C16orf74: variants seen among roughly 807,000 people sequenced by gnomAD.
The protein encoded by C16orf74 is uncharacterized protein C16orf74.
In C16orf74, 10 loss-of-function variants were observed where a neutral mutation model predicts 6.5. The ratio of observed to expected loss-of-function variants is 1.54; its 90% CI spans 0.95 to 2.61. The LOEUF is 2.61. Among genes scored for constraint, C16orf74 ranks in the 30% most tolerant of loss-of-function variants. The probability of loss-of-function intolerance (pLI) is 0.00; values close to 1 mark genes in which losing one functional copy is unlikely to be tolerated. For synonymous variants in C16orf74, 60 were observed against 42.5 expected, an observed-to-expected ratio of 1.41 and a Z score of -1.60; for missense variants, 141 against 105.9, an observed-to-expected ratio of 1.33 and a Z score of -1.45.
chr16:85,739,988 T>C (rs1032241322), intron 1 of C16orf74, among the ~76,000 whole-genome samples: 1 of 151,142 alleles, frequency 6.6e-6, no homozygotes, highest in Admixed American at 6.6e-5. Context: ...GGCGGGTGGA[T>C]CGCCTGAGGT....
chr16:85,718,679 T>C (rs2054049204), intron 2 of C16orf74, among the ~76,000 whole-genome samples: 1 of 152,212 alleles, frequency 6.6e-6, no homozygotes, highest in South Asian at 2.1e-4. Flanking sequence ...GGTGCGATGA[T>C]TCTATATGCG....
intron 3 of C16orf74, among the ~76,000 whole-genome samples, chr16:85,709,495 G>GTTGTTATTATTATTATTATTA (rs150032889): frequency 6.8e-6 from 1 of 147,398 alleles, no homozygotes; most frequent in Non-Finnish European, 1.5e-5. Flanking sequence ...CATCCCCAAT[G>GTTGTTATTATTATTATTATTA]TTATTATTAT....
intron 2 of C16orf74, among the ~76,000 whole-genome samples, chr16:85,728,110 C>A (rs1041784597): frequency 1.3e-5 from 2 of 151,962 alleles, no homozygotes; most frequent in Non-Finnish European, 2.9e-5. Flanking sequence ...TGCACTCCAG[C>A]CTGAGCAACA....
At chr16:85,726,143 C>T (rs572153162) in intron 2 of C16orf74, among the ~76,000 whole-genome samples, 27 of 152,270 alleles carry the variant, frequency 1.8e-4, no homozygotes, top group African/African-American at 6.5e-4. Context: ...CTCATCCCCT[C>T]GACTGCACCT....
chr16:85,721,008 T>C (rs1291007284), intron 2 of C16orf74, among the ~76,000 whole-genome samples: 1 of 152,024 alleles, frequency 6.6e-6, no homozygotes, highest in Non-Finnish European at 1.5e-5. Flanking sequence ...CGAGAATCAC[T>C]TGAACCCAGG....
At chr16:85,736,557 G>C (rs1047237875) in intron 1 of C16orf74, among the ~76,000 whole-genome samples, 1 of 152,096 alleles carries the variant, frequency 6.6e-6, no homozygotes, top group Non-Finnish European at 1.5e-5. Flanking sequence ...GACATAGACC[G>C]GGGCCTTGGG....
chr16:85,740,854 A>AGACT (rs1555588267), intron 1 of C16orf74, among the ~76,000 whole-genome samples: 1 of 150,722 alleles, frequency 6.6e-6, no homozygotes, highest in Non-Finnish European at 1.5e-5. Flanking sequence ...AAAGAAAGAA[A>AGACT]ATATACACTG....
intron 2 of C16orf74, among the ~76,000 whole-genome samples, chr16:85,723,908 G>A (rs1005558587): frequency 1.3e-5 from 2 of 152,218 alleles, no homozygotes; most frequent in Non-Finnish European, 2.9e-5. Flanking sequence ...GGGCAGCCGC[G>A]ATGCCCTGGC....
At chr16:85,716,572 G>A (rs1041357119) in intron 2 of C16orf74, among the ~76,000 whole-genome samples, 5 of 146,986 alleles carry the variant, frequency 3.4e-5, no homozygotes, top group African/African-American at 1.3e-4. Context: ...GAAGGGGAGA[G>A]GGAAGGAGGG....
At chr16:85,722,617 G>A (rs1297540603) in intron 2 of C16orf74, among the ~76,000 whole-genome samples, 2 of 151,854 alleles carry the variant, frequency 1.3e-5, no homozygotes, top group Non-Finnish European at 2.9e-5. Flanking sequence ...GCCTTGCTCT[G>A]CTCGCTCCCT....
chr16:85,728,483 A>G (rs932786952), intron 2 of C16orf74, among the ~76,000 whole-genome samples: 1 of 152,106 alleles, frequency 6.6e-6, no homozygotes, highest in Non-Finnish European at 1.5e-5. Context: ...GCCTGTATCC[A>G]TGGTGACACT....
At chr16:85,736,470 G>C (rs2054245848) in intron 1 of C16orf74, among the ~76,000 whole-genome samples, 1 of 152,162 alleles carries the variant, frequency 6.6e-6, no homozygotes, top group African/African-American at 2.4e-5. Flanking sequence ...GAAGATGGCA[G>C]GCCAGGAAGG....
At chr16:85,746,134 G>C (rs148538644) in intron 1 of C16orf74, among the ~76,000 whole-genome samples, 142 of 152,250 alleles carry the variant, frequency 9.3e-4, no homozygotes, top group African/African-American at 3.1e-3. Context: ...CAGATCACTT[G>C]AGGCTGGGCG....
chr16:85,738,385 C>T (rs1039555008), intron 1 of C16orf74, among the ~76,000 whole-genome samples: 8 of 147,340 alleles, frequency 5.4e-5, no homozygotes, highest in African/African-American at 1.5e-4. Context: ...AGTGCAGTGG[C>T]GTGACCTTGG....
intron 1 of C16orf74, among the ~76,000 whole-genome samples, chr16:85,736,009 GGA>G (rs1271557863): frequency 3.3e-5 from 5 of 152,150 alleles, no homozygotes; most frequent in African/African-American, 1.2e-4. Flanking sequence ...TAGGGACTGT[GGA>G]GCTGAGACTC....
At position 85,713,422 on chromosome 16, in the gene C16orf74, G is replaced by A. The variant is rs184978878; in HGVS notation, c.29-3115C>T. ...CAAGTAGTTGGGATTACAGGCATGC[G>A]CCACCATGCCCAGCTAATTTTTGTA... is the stretch of plus-strand genomic sequence containing the variant. On this transcript the variant is annotated intron_variant, in intron 2 of 3. Transcript: ENST00000284245. Among the ~76,000 whole-genome samples the A allele has an allele frequency of 3.9e-3, 591 of 152,198 alleles. 2 individuals carry two copies. Among genetic ancestry groups the A allele is most frequent in the East Asian group, 6.2e-3 (32 of 5,170 alleles).
Position 85,738,871 on chromosome 16 carries a change from C to T in C16orf74, c.-18-3636G>A, listed in dbSNP as rs144443485. Among the ~76,000 whole-genome samples, 486 of 152,228 alleles carry T rather than the reference C, an allele frequency of 3.2e-3. 6 individuals are homozygous for T. The highest frequency in any genetic ancestry group is 0.011 in the African/African-American group (461 of 41,530). On this transcript the variant is annotated intron_variant, in intron 1 of 3. Transcript: ENST00000284245. Reference sequence around the variant, plus strand: ...CACTATAACCCCATGAAGTTGGGACCGTTCCTGTCCCCATCTCACAGGAAA... The same window carrying T: ...CACTATAACCCCATGAAGTTGGGACTGTTCCTGTCCCCATCTCACAGGAAA...
chr16:85,709,838 C>G (rs1207549267), intron 3 of C16orf74, among the ~76,000 whole-genome samples: 1 of 152,192 alleles, frequency 6.6e-6, no homozygotes, highest in Non-Finnish European at 1.5e-5. Context: ...GCGGTCCTCC[C>G]GCTGGCAGGG....
Position 85,732,838 on chromosome 16 carries a change from C to T in C16orf74, c.28+2352G>A, listed in dbSNP as rs1424760171. ...ATGAAAAATGGATGGACAAGCCACA[C>T]TCGGGACAGGCGCTGTTCCAGCACT... is the stretch of plus-strand genomic sequence containing the variant. On this transcript the variant is annotated intron_variant, in intron 2 of 3. Coordinates refer to ENST00000284245, the MANE Select transcript of C16orf74 (RefSeq NM_206967.3). Among the ~76,000 whole-genome samples the T allele has an allele frequency of 2.0e-5, 3 of 152,144 alleles. No individual in the cohort carries two copies. The South Asian group carries it at 6.2e-4, about 32-fold the overall frequency.
Sources: gnomAD v4.1 joint callset for allele counts (sites outside exome capture counted in the v4.1 genomes callset) on GRCh38, gnomAD v4.1.1 for gene constraint, MANE v1.5 for transcripts, NCBI Gene and HGNC (gene_info 2026-07-23, HGNC 2026-07-21) for gene names.